IL1RAPL2: variants seen among roughly 807,000 people sequenced by gnomAD.
IL1RAPL2 encodes interleukin 1 receptor accessory protein like 2, also known as X-linked interleukin-1 receptor accessory protein-like 2.
Under a neutral mutation model 44.1 loss-of-function variants are expected in IL1RAPL2, and 3 were observed. That is an observed-to-expected ratio of 0.07 (90% CI 0.03 to 0.18). IL1RAPL2 has a LOEUF of 0.18. Among genes scored for constraint, IL1RAPL2 ranks in the 10% least tolerant of loss-of-function variants. The pLI is 1.00. For missense variants in IL1RAPL2, 391 were observed against 496.4 expected, an observed-to-expected ratio of 0.79 and a Z score of 2.02; for synonymous variants, 181 against 178.8, an observed-to-expected ratio of 1.01 and a Z score of -0.10.
intron 2 of IL1RAPL2, among the ~76,000 whole-genome samples, chrX:104,895,017 A>G (rs1034871231): frequency 4.4e-5 from 5 of 112,694 alleles, no homozygotes; most frequent in South Asian, 3.6e-4. Flanking sequence ...CAGGACCCTC[A>G]GCTGCAGGTC....
chrX:104,652,392 G>T (rs1455361991), intron 1 of IL1RAPL2, among the ~76,000 whole-genome samples: 1 of 111,797 alleles, frequency 8.9e-6, no homozygotes, highest in African/African-American at 3.2e-5. Flanking sequence ...AACACTAAAA[G>T]TTTCCACTCA....
intron 2 of IL1RAPL2, among the ~76,000 whole-genome samples, chrX:104,911,531 C>A (rs1924237674): frequency 9.0e-6 from 1 of 111,691 alleles, no homozygotes; most frequent in African/African-American, 3.3e-5. Context: ...GTTCAATCTT[C>A]TTTGTCTTCA....
At chrX:104,947,920 G>A (rs1208112809) in intron 2 of IL1RAPL2, among the ~76,000 whole-genome samples, 1 of 111,646 alleles carries the variant, frequency 9.0e-6, no homozygotes, top group Non-Finnish European at 1.9e-5. Flanking sequence ...GGTTCCATAT[G>A]AACTTTAAAG....
At chrX:104,768,850 A>G (rs941446801) in intron 2 of IL1RAPL2, among the ~76,000 whole-genome samples, 2 of 111,044 alleles carry the variant, frequency 1.8e-5, no homozygotes, top group African/African-American at 6.6e-5. Context: ...TTGCCTCTTT[A>G]TTCATTGTTA....
rs1441322907 is a variant in IL1RAPL2 at position 104,680,931 on chromosome X, A to G, written c.82+21936A>G. Among the ~76,000 whole-genome samples the G allele has an allele frequency of 3.6e-5, 4 of 112,466 alleles. No individual in the cohort carries two copies. The Admixed American group carries it at 3.8e-4, about 11-fold the overall frequency. ...TATTTCAAACTTTGAAACCAATTTA[A>G]CACAACAACTGTATTGTGTCTGAAG... On this transcript the variant is annotated intron_variant, in intron 2 of 10. Transcript: ENST00000372582.
intron 2 of IL1RAPL2, among the ~76,000 whole-genome samples, chrX:105,183,276 A>T (rs1479841924): frequency 9.0e-6 from 1 of 111,415 alleles, no homozygotes; most frequent in Non-Finnish European, 1.9e-5. Flanking sequence ...TACTTGGAGC[A>T]ACTCCAAGCC....
At chrX:104,649,091 C>T (rs1200467961) in intron 1 of IL1RAPL2, among the ~76,000 whole-genome samples, 1 of 110,654 alleles carries the variant, frequency 9.0e-6, no homozygotes, top group East Asian at 2.8e-4. Flanking sequence ...TTTTCTCTTT[C>T]TCCTCTACGA....
chrX:104,582,661 TTTTC>T (rs1291924979), intron 1 of IL1RAPL2, among the ~76,000 whole-genome samples: 1 of 90,415 alleles, frequency 1.1e-5, no homozygotes, highest in Non-Finnish European at 2.2e-5. Context: ...TCTTTCTTTT[TTTTC>T]TTTTTTCTTT....
At chrX:104,896,203 C>A (rs1210199884) in intron 2 of IL1RAPL2, among the ~76,000 whole-genome samples, 1 of 112,148 alleles carries the variant, frequency 8.9e-6, no homozygotes, top group East Asian at 2.8e-4. Flanking sequence ...TGCTATTACT[C>A]GCCTTCAGGC....
intron 2 of IL1RAPL2, among the ~76,000 whole-genome samples, chrX:105,070,211 G>T (rs942107694): frequency 9.0e-6 from 1 of 111,597 alleles, no homozygotes; most frequent in Non-Finnish European, 1.9e-5. Flanking sequence ...TTTTCTGTGT[G>T]CCATACACTG....
intron 5 of IL1RAPL2, among the ~76,000 whole-genome samples, chrX:105,424,532 C>T (rs368164244): frequency 1.1e-3 from 125 of 109,343 alleles, no homozygotes; most frequent in African/African-American, 3.7e-3. Context: ...ATTTTCCTTT[C>T]GCAGTACTCA....
chrX:105,304,955 G>A (rs191711104), intron 5 of IL1RAPL2, among the ~76,000 whole-genome samples: 62 of 111,323 alleles, frequency 5.6e-4, no homozygotes, highest in African/African-American at 1.9e-3. Context: ...GGAAACTTTC[G>A]ATCATGGCAG....
chrX:105,112,201 A>G (rs1258125727), intron 2 of IL1RAPL2, among the ~76,000 whole-genome samples: 1 of 112,304 alleles, frequency 8.9e-6, no homozygotes, highest in Admixed American at 9.5e-5. Context: ...TCAGTAGACA[A>G]TTTCACTACA....
intron 3 of IL1RAPL2, among the ~76,000 whole-genome samples, chrX:105,202,721 C>T (rs2033728026): frequency 9.0e-6 from 1 of 111,664 alleles, no homozygotes; most frequent in African/African-American, 3.3e-5. Flanking sequence ...TAATCACTCC[C>T]ATATACACCC....
intron 2 of IL1RAPL2, among the ~76,000 whole-genome samples, chrX:105,043,070 G>A (rs1443439056): frequency 1.4e-5 from 1 of 73,822 alleles, no homozygotes; most frequent in Admixed American, 1.9e-4. Flanking sequence ...ACACTCTGGG[G>A]ACTGTTGTGG....
intron 2 of IL1RAPL2, among the ~76,000 whole-genome samples, chrX:104,683,524 T>G (rs1191217753): frequency 8.9e-6 from 1 of 112,168 alleles, no homozygotes; most frequent in African/African-American, 3.2e-5. Flanking sequence ...AGCTTCACTT[T>G]TGTTTGATAT....
chrX:104,744,801 A>G (rs1022033156), intron 2 of IL1RAPL2, among the ~76,000 whole-genome samples: 1 of 110,909 alleles, frequency 9.0e-6, no homozygotes, highest in African/African-American at 3.3e-5. Flanking sequence ...TCTCCTTGAA[A>G]GTAGGCAAGT....
intron 6 of IL1RAPL2, among the ~76,000 whole-genome samples, chrX:105,576,793 CA>C (rs1018315967): frequency 8.1e-5 from 9 of 111,272 alleles, no homozygotes; most frequent in Non-Finnish European, 1.3e-4. Context: ...ATACAACTAT[CA>C]AAAATTCATT....
intron 6 of IL1RAPL2, among the ~76,000 whole-genome samples, chrX:105,709,358 C>A (rs1037218218): frequency 8.9e-6 from 1 of 111,885 alleles, no homozygotes; most frequent in South Asian, 3.7e-4. Context: ...GGGACCTTGA[C>A]GCTAAAGTTA....
Sources: allele counts gnomAD v4.1 joint callset (sites outside exome capture counted in the v4.1 genomes callset), GRCh38; gene constraint gnomAD v4.1.1; transcripts MANE v1.5; gene names NCBI Gene and HGNC (gene_info 2026-07-23, HGNC 2026-07-21).